ERC1: variants seen among roughly 807,000 people sequenced by gnomAD.
ERC1 encodes the protein ELKS/RAB6-interacting/CAST family member 1.
ERC1 carries 56 observed loss-of-function variants against 132.0 expected under a neutral mutation model. The ratio of observed to expected loss-of-function variants is 0.42; its 90% CI spans 0.34 to 0.53. The LOEUF is 0.53. Among genes scored for constraint, ERC1 ranks in the 20% least tolerant of loss-of-function variants. The probability of loss-of-function intolerance (pLI) is 0.03; values close to 1 mark genes in which losing one functional copy is unlikely to be tolerated. For synonymous variants in ERC1, 478 were observed against 476.1 expected (o/e 1.00, Z -0.05); for missense variants, 1,202 against 1,349.9 (o/e 0.89, Z 1.72).
At chr12:1,423,131 G>T (rs1028882670) in intron 17 of ERC1, among the ~76,000 whole-genome samples, 3 of 152,084 alleles carry the variant, frequency 2.0e-5, no homozygotes, top group African/African-American at 7.2e-5. Flanking sequence ...CCTACCTAGG[G>T]GCTTTCCAAT....
chr12:1,137,577 C>T (rs563916768), intron 7 of ERC1, among the ~76,000 whole-genome samples: 20 of 151,830 alleles, frequency 1.3e-4, no homozygotes, highest in Middle Eastern at 3.4e-3. Context: ...GGGCCAGGAG[C>T]GGTGGCTCAC....
chr12:1,244,426 T>A, intron 13 of ERC1: 1 of 365,990 alleles, frequency 2.7e-6, no homozygotes, highest in Non-Finnish European at 5.6e-6. Flanking sequence ...TTGAAGGAAT[T>A]ATTTTAGTAT....
chr12:1,330,676 A>G (rs550639092), intron 15 of ERC1, among the ~76,000 whole-genome samples: 27 of 151,960 alleles, frequency 1.8e-4, no homozygotes, highest in Non-Finnish European at 3.2e-4. Flanking sequence ...TTATTCATTT[A>G]CACAGGACAT....
rs567872397 is a variant in ERC1, at chr12:1,123,882, G to A, written c.1569+7849G>A. On this transcript the variant is annotated intron_variant, in intron 7 of 18. Coordinates refer to ENST00000360905, the MANE Select transcript of ERC1 (RefSeq NM_178040.4). ...TGGTGGCACGCACCTGTAGTTTTCAGCTACTTGAGAGCCTGAGGCAGGAGA... is the reference window on the plus strand; with the variant it reads ...TGGTGGCACGCACCTGTAGTTTTCAACTACTTGAGAGCCTGAGGCAGGAGA... 5.9e-5 allele frequency among the ~76,000 whole-genome samples: 9 copies of A among 152,280 alleles called. No individual in the cohort carries two copies. In the South Asian group the frequency reaches 6.2e-4, roughly 11 times the overall value.
At chr12:1,484,456 G>A (rs894075960) in intron 18 of ERC1, among the ~76,000 whole-genome samples, 2 of 152,204 alleles carry the variant, frequency 1.3e-5, no homozygotes, top group Admixed American at 6.5e-5. Context: ...TGGCTGATGA[G>A]ACCAAATTGC....
intron 8 of ERC1, among the ~76,000 whole-genome samples, chr12:1,154,354 T>TACACACACACACAC (rs35510985): frequency 1.7e-4 from 25 of 145,840 alleles, no homozygotes; most frequent in African/African-American, 5.6e-4. Context: ...TGTGTGTTTA[T>TACACACACACACAC]ACACACACAC....
chr12:1,318,178 A>G (rs1264189179), intron 15 of ERC1, among the ~76,000 whole-genome samples: 3 of 152,084 alleles, frequency 2.0e-5, no homozygotes, highest in Non-Finnish European at 4.4e-5. Flanking sequence ...AGCAGATTTT[A>G]TTTTTTCTGC....
At chr12:1,003,119 C>CAAAAAAAAAAAAAAAAAAAAAAA (rs34159893) in intron 1 of ERC1, among the ~76,000 whole-genome samples, 1 of 84,808 alleles carries the variant, frequency 1.2e-5, no homozygotes, top group Non-Finnish European at 2.7e-5. Context: ...AAAAAAGACT[C>CAAAAAAAAAAAAAAAAAAAAAAA]AAAAAAAAAA....
chr12:1,386,283 C>A (rs1340871468), intron 16 of ERC1, among the ~76,000 whole-genome samples: 1 of 151,450 alleles, frequency 6.6e-6, no homozygotes, highest in Non-Finnish European at 1.5e-5. Context: ...GTGATCTGCC[C>A]ACCTCAGCCT....
At chr12:1,008,854 A>G (rs1161012056) in intron 1 of ERC1, among the ~76,000 whole-genome samples, 1 of 152,318 alleles carries the variant, frequency 6.6e-6, no homozygotes, top group East Asian at 1.9e-4. Flanking sequence ...ATAAAAATTC[A>G]GTTCCTCGGT....
At chr12:1,123,271 A>G (rs751982031) in intron 7 of ERC1, among the ~76,000 whole-genome samples, 25 of 152,178 alleles carry the variant, frequency 1.6e-4, no homozygotes, top group Non-Finnish European at 3.5e-4. Flanking sequence ...CCGTCAGAGT[A>G]AAACCCAGTT....
At chr12:1,138,182 AT>A in intron 7 of ERC1, among the ~76,000 whole-genome samples, 4 of 100,504 alleles carry the variant, frequency 4.0e-5, no homozygotes, top group Non-Finnish European at 7.5e-5. Flanking sequence ...TATATAATAT[AT>A]ATCATATATA....
intron 1 of ERC1, chr12:991,930 A>G (rs778374177): frequency 2.7e-5 from 4 of 146,628 alleles, no homozygotes; most frequent in Non-Finnish European, 4.4e-5. Context: ...ATTTTATTGC[A>G]CTAGATCTCA....
At chr12:991,437 C>G (rs1225793157) in intron 1 of ERC1, 115 bp downstream of exon 1, 2 of 153,038 alleles carry the variant, frequency 1.3e-5, no homozygotes, top group South Asian at 1.9e-4. Context: ...GCTCACGGCC[C>G]GGGCTGGGCT....
chr12:1,372,110 C>G, intron 16 of ERC1, 133 bp downstream of exon 16: 1 of 1,119,838 alleles, frequency 8.9e-7, no homozygotes, highest in Non-Finnish European at 1.2e-6. Context: ...TAGTTAGTTT[C>G]CATCATTAGA....
chr12:1,326,477 G>GT (rs2082452785), intron 15 of ERC1, among the ~76,000 whole-genome samples: 2 of 152,272 alleles, frequency 1.3e-5, no homozygotes, highest in South Asian at 4.1e-4. Flanking sequence ...TGCAAACTAA[G>GT]TTTTGATCCT....
intron 2 of ERC1, among the ~76,000 whole-genome samples, chr12:1,047,137 CAAAT>C (rs1047240230): frequency 2.4e-4 from 37 of 152,176 alleles, no homozygotes; most frequent in African/African-American, 7.7e-4. Flanking sequence ...AACTTTTGAA[CAAAT>C]AAATCTGTTA....
intron 8 of ERC1, among the ~76,000 whole-genome samples, chr12:1,157,670 C>G (rs1014686121): frequency 6.6e-6 from 1 of 152,092 alleles, no homozygotes; most frequent in African/African-American, 2.4e-5. Flanking sequence ...GTCAAATTTT[C>G]CTCTTCCAAA....
intron 14 of ERC1, among the ~76,000 whole-genome samples, chr12:1,273,946 A>G (rs1278821076): frequency 6.6e-6 from 1 of 152,264 alleles, no homozygotes; most frequent in African/African-American, 2.4e-5. Flanking sequence ...CATTTGTGAC[A>G]TAAAACCATG....
Sources: allele counts gnomAD v4.1 joint callset (sites outside exome capture counted in the v4.1 genomes callset), GRCh38; gene constraint gnomAD v4.1.1; transcripts MANE v1.5; gene names NCBI Gene and HGNC (gene_info 2026-07-23, HGNC 2026-07-21).